Variants in ERGIC1 observed in about 807,000 individuals in gnomAD.
ERGIC1 encodes the protein endoplasmic reticulum-Golgi intermediate compartment protein 1.
ERGIC1 carries 19 observed loss-of-function variants against 38.3 expected under a neutral mutation model. The observed-to-expected ratio is 0.50, with a 90% CI of 0.35 to 0.73. ERGIC1 has a LOEUF of 0.73. Among genes scored for constraint, ERGIC1 ranks in the 30% least tolerant of loss-of-function variants. ERGIC1 has a pLI of 0.01. For missense variants in ERGIC1, 294 were observed against 389.2 expected (o/e 0.76, Z 2.06); for synonymous variants, 124 against 157.6 (o/e 0.79, Z 1.60).
intron 5 of ERGIC1, chr5:172,915,144 AC>A: frequency 3.0e-6 from 2 of 666,820 alleles, no homozygotes; most frequent in Non-Finnish European, 5.5e-6. Context: ...TCCCAGCTCT[AC>A]CCCTTCTTGG....
At chr5:172,873,002 A>C (rs1762055145) in intron 1 of ERGIC1, among the ~76,000 whole-genome samples, 3 of 151,950 alleles carry the variant, frequency 2.0e-5, no homozygotes, top group Admixed American at 2.0e-4. Context: ...AAACACTGAC[A>C]CCAACAGTTT....
At chr5:172,893,220 T>G (rs968116815) in intron 2 of ERGIC1, among the ~76,000 whole-genome samples, 4 of 151,716 alleles carry the variant, frequency 2.6e-5, no homozygotes, top group East Asian at 3.9e-4. Flanking sequence ...TGATCTCGGC[T>G]CACTACAACC....
intron 1 of ERGIC1, among the ~76,000 whole-genome samples, chr5:172,869,489 G>A (rs554138635): frequency 3.3e-5 from 5 of 152,280 alleles, no homozygotes; most frequent in South Asian, 4.1e-4. Flanking sequence ...TCCCTCTGGC[G>A]CCAGACCCCT....
chr5:172,944,746 T>C (rs1378062007), intron 9 of ERGIC1, among the ~76,000 whole-genome samples: 1 of 152,202 alleles, frequency 6.6e-6, no homozygotes, highest in East Asian at 1.9e-4. Flanking sequence ...TCCAAGCCAA[T>C]TCTGCCAGCC....
At chr5:172,888,466 A>G (rs560531882) in intron 1 of ERGIC1, among the ~76,000 whole-genome samples, 1 of 152,244 alleles carries the variant, frequency 6.6e-6, no homozygotes, top group South Asian at 2.1e-4. Flanking sequence ...TTTAAAAAAA[A>G]AAAAGAAATG....
At chr5:172,874,669 C>T (rs900887390) in intron 1 of ERGIC1, among the ~76,000 whole-genome samples, 3 of 151,634 alleles carry the variant, frequency 2.0e-5, no homozygotes, top group African/African-American at 7.3e-5. Flanking sequence ...TGGCTCACAC[C>T]TGTAATCCCA....
intron 1 of ERGIC1, among the ~76,000 whole-genome samples, chr5:172,879,573 G>GT (rs1465305855): frequency 6.6e-6 from 1 of 152,042 alleles, no homozygotes; most frequent in Non-Finnish European, 1.5e-5. Context: ...CCTTTGCTTT[G>GT]TTTTTTTTCC....
intron 1 of ERGIC1, among the ~76,000 whole-genome samples, chr5:172,885,225 G>A (rs957035858): frequency 7.2e-5 from 11 of 151,982 alleles, no homozygotes; most frequent in Non-Finnish European, 1.2e-4. Flanking sequence ...AACCTCCCAG[G>A]CTCAAGTGAT....
At position 172,924,108 on chromosome 5, in the gene ERGIC1, AG is replaced by A; in HGVS notation, c.480+1del. On this transcript the variant is annotated frameshift_variant and splice_region_variant, in exon 6 of 10. Transcript: ENST00000393784. LOFTEE classifies it high-confidence loss of function. ...IHKLSFGDTLQVQNIHGAFNA... is the reference protein window; with the variant it reads ...IHKLSFGDTLXVQNIHGAFNA... ...AAGCTCTCCTTTGGGGACACGCTAC[AG>A]GTGAGCAGGGGACACTCGAGATGGC... 1 of 1,613,974 alleles carries A rather than the reference AG, an allele frequency of 6.2e-7. No individual in the cohort carries two copies. The highest frequency in any genetic ancestry group is 2.2e-5 in the East Asian group (1 of 44,878).
rs1426135946 is a variant in ERGIC1, at chr5:172,926,354, T to C, written c.481-155T>C. On this transcript the variant is annotated intron_variant, in intron 6 of 9. Coordinates refer to ENST00000393784, the MANE Select transcript of ERGIC1 (RefSeq NM_001031711.3). The surrounding 1 kb of genome is among the most constrained non-coding windows in gnomAD (Gnocchi z 5.2). Reference sequence around the variant, plus strand: ...TTGTGCCTACTATGTGCCAGGCCCCTGCTGCCTCTTGCTCCCCACAAATCC... The same window carrying C: ...TTGTGCCTACTATGTGCCAGGCCCCCGCTGCCTCTTGCTCCCCACAAATCC... 1.3e-5 allele frequency among the ~76,000 whole-genome samples: 2 copies of C among 152,196 alleles called. No homozygotes were observed. The highest frequency in any genetic ancestry group is 1.3e-4 in the Admixed American group (2 of 15,286).
intron 1 of ERGIC1, among the ~76,000 whole-genome samples, chr5:172,873,468 C>T (rs1385092620): frequency 6.6e-6 from 1 of 152,244 alleles, no homozygotes. Flanking sequence ...CTCCAGGTGA[C>T]ACAGCACCAC....
intron 2 of ERGIC1, among the ~76,000 whole-genome samples, chr5:172,893,401 G>C (rs924557338): frequency 6.6e-6 from 1 of 152,102 alleles, no homozygotes; most frequent in African/African-American, 2.4e-5. Context: ...GTCTGCCTCG[G>C]CCTCCCAAAG....
At position 172,941,329 on chromosome 5, in the gene ERGIC1, T is replaced by G. The variant is rs554884277; in HGVS notation, c.765+6019T>G. 7.3e-4 allele frequency among the ~76,000 whole-genome samples: 111 copies of G among 152,336 alleles called. 4 individuals are homozygous for G. The South Asian group carries it at 0.022, about 30-fold the overall frequency. On this transcript the variant is annotated intron_variant, in intron 9 of 9. Transcript: ENST00000393784. ...AAAGTGATCATATAGCTACCCTTAT[T>G]AAGCACCTACTATGTGCCAAGTAAT...
At chr5:172,935,975 G>A (rs930345992) in intron 9 of ERGIC1, 4 of 152,256 alleles carry the variant, frequency 2.6e-5, no homozygotes, top group African/African-American at 9.7e-5. Context: ...AGTTAGCTGA[G>A]GTGGAAGAGA....
chr5:172,858,487 A>G (rs965792464), intron 1 of ERGIC1, among the ~76,000 whole-genome samples: 2 of 152,198 alleles, frequency 1.3e-5, no homozygotes, highest in African/African-American at 4.8e-5. Flanking sequence ...CTTCCTCGTC[A>G]GTCACACGCT....
intron 5 of ERGIC1, chr5:172,915,362 T>G: frequency 2.2e-6 from 1 of 450,746 alleles, no homozygotes; most frequent in Non-Finnish European, 4.3e-6. Context: ...GGGGCTCCCA[T>G]TCTGGTAGAG....
chr5:172,843,116 A>G (rs1279427126), intron 1 of ERGIC1, among the ~76,000 whole-genome samples: 1 of 152,240 alleles, frequency 6.6e-6, no homozygotes, highest in Non-Finnish European at 1.5e-5. Flanking sequence ...ACTGCACTCC[A>G]GCCTGGGTGA....
chr5:172,927,858 C>T (rs993591403), intron 7 of ERGIC1, among the ~76,000 whole-genome samples: 3 of 152,120 alleles, frequency 2.0e-5, no homozygotes, highest in African/African-American at 7.2e-5. Context: ...AAGTCATTGT[C>T]TTCTCACCGA....
At chr5:172,894,473 C>A (rs571401447) in intron 2 of ERGIC1, among the ~76,000 whole-genome samples, 16 of 152,188 alleles carry the variant, frequency 1.1e-4, no homozygotes, top group African/African-American at 3.9e-4. Flanking sequence ...GGGTTACAGG[C>A]ATGAGCCACC....
Sources: gnomAD v4.1 joint callset for allele counts (sites outside exome capture counted in the v4.1 genomes callset) on GRCh38, gnomAD v4.1.1 for gene constraint, Gnocchi (gnomAD v3.1) non-coding constraint, MANE v1.5 for transcripts, NCBI Gene and HGNC (gene_info 2026-07-23, HGNC 2026-07-21) for gene names.